WSCD2: variants seen among roughly 807,000 people sequenced by gnomAD.
WSCD2 encodes WSC domain sialate O sulfotransferase 2.
In WSCD2, 28 loss-of-function variants were observed where a neutral mutation model predicts 55.7. The observed-to-expected ratio is 0.50, with a 90% CI of 0.37 to 0.69. The LOEUF (loss-of-function observed/expected upper bound fraction) is 0.69. Ranked by LOEUF, WSCD2 falls within the 30% of genes least tolerant of loss-of-function variation. The probability of loss-of-function intolerance (pLI) is 0.00; values close to 1 mark genes in which losing one functional copy is unlikely to be tolerated. For synonymous variants in WSCD2, 301 were observed against 301.9 expected, an observed-to-expected ratio of 1.00 and a Z score of 0.03; for missense variants, 616 against 762.1, an observed-to-expected ratio of 0.81 and a Z score of 2.26.
chr12:108,176,477 CTGT>C (rs1317551490), intron 1 of WSCD2, among the ~76,000 whole-genome samples: 2 of 152,190 alleles, frequency 1.3e-5, no homozygotes, highest in African/African-American at 4.8e-5. Context: ...TTTATCAGTG[CTGT>C]TGTGTCATCA....
chr12:108,136,875 T>G (rs1876280873), intron 1 of WSCD2, among the ~76,000 whole-genome samples: 1 of 152,112 alleles, frequency 6.6e-6, no homozygotes, highest in Non-Finnish European at 1.5e-5. Context: ...GCCAGGTCCA[T>G]CCCCACAGGC....
At chr12:108,179,815 A>G (rs533038818) in intron 1 of WSCD2, among the ~76,000 whole-genome samples, 2 of 152,346 alleles carry the variant, frequency 1.3e-5, no homozygotes, top group East Asian at 1.9e-4. Flanking sequence ...TCTCATTTGT[A>G]TAATGGGGAG....
intron 1 of WSCD2, among the ~76,000 whole-genome samples, chr12:108,130,245 G>A (rs1875345549): frequency 6.6e-6 from 1 of 152,238 alleles, no homozygotes; most frequent in African/African-American, 2.4e-5. Context: ...GGGCCAGCGG[G>A]GAGGCAGTGG....
intron 4 of WSCD2, among the ~76,000 whole-genome samples, chr12:108,211,820 A>ATTTTTTTTT (rs59190207): frequency 1.5e-5 from 2 of 134,606 alleles, no homozygotes; most frequent in Non-Finnish European, 3.1e-5. Context: ...TGCCTGGCTA[A>ATTTTTTTTT]TTTTTTTTTT....
chr12:108,161,702 G>A (rs767228600), intron 1 of WSCD2, among the ~76,000 whole-genome samples: 4 of 152,168 alleles, frequency 2.6e-5, no homozygotes, highest in Non-Finnish European at 4.4e-5. Context: ...CACAGAGCCC[G>A]GCACAAAGCG....
In WSCD2 at chr12:108,226,880, C is replaced by T; in HGVS notation, c.805-110C>T. 7 of 1,327,808 alleles carry T rather than the reference C, an allele frequency of 5.3e-6. No homozygotes were observed. In the South Asian group the frequency reaches 8.9e-5, roughly 17 times the overall value. 82.3% of individuals were successfully genotyped at this position (1,327,808 alleles called of 1,614,324 possible). On this transcript the variant is annotated intron_variant, in intron 5 of 8. Coordinates refer to ENST00000547525, the MANE Select transcript of WSCD2 (RefSeq NM_014653.4). ...TTGGGGACCCTCAAGTTAAGGGAGA[C>T]TGACAGAGAAGACAGTGGTTGAAAT...
intron 8 of WSCD2, among the ~76,000 whole-genome samples, chr12:108,243,430 G>C (rs186589067): frequency 5.2e-4 from 79 of 152,186 alleles, no homozygotes; most frequent in Admixed American, 1.0e-3. Flanking sequence ...GTAGAGACAG[G>C]GTTTCACCGT....
rs898632841 is a variant in WSCD2, at chr12:108,249,333, C to T, written c.*990C>T. ...CCAAAATGGACCCCCACTACCTTCC[C>T]AGACCATATATCTCCCCTTGATCAT... is the stretch of plus-strand genomic sequence containing the variant. On this transcript the variant is annotated 3_prime_UTR_variant, in exon 9 of 9. Transcript: ENST00000547525. 6.6e-6 allele frequency: 1 copy of T among 152,616 alleles called. No homozygotes were observed. Among genetic ancestry groups the T allele is most frequent in the East Asian group, 1.9e-4 (1 of 5,182 alleles). The allele number at this position is 152,616 out of a possible 1,614,324, so 9.5% of individuals were successfully genotyped here. A position where few individuals can be genotyped will look rare whatever the true frequency, so the allele number is the denominator to read the frequency against.
chr12:108,141,052 TTTAC>T (rs1278822791), intron 1 of WSCD2, among the ~76,000 whole-genome samples: 2 of 152,180 alleles, frequency 1.3e-5, no homozygotes, highest in Non-Finnish European at 2.9e-5. Flanking sequence ...TCTTTCTTTC[TTTAC>T]TTGTTTCTTT....
At chr12:108,226,502 T>G (rs1306808413) in intron 5 of WSCD2, among the ~76,000 whole-genome samples, 1 of 152,168 alleles carries the variant, frequency 6.6e-6, no homozygotes, top group East Asian at 1.9e-4. Context: ...CTTTTTCAGT[T>G]GTCTTTCCAG....
chr12:108,233,214 G>A (rs1465686447), intron 7 of WSCD2: 1 of 225,134 alleles, frequency 4.4e-6, no homozygotes, highest in Admixed American at 5.0e-5. Context: ...CTGTGTGCTG[G>A]TACCTCATTA....
intron 1 of WSCD2, among the ~76,000 whole-genome samples, chr12:108,166,817 C>CT (rs550529805): frequency 0.063 from 6,502 of 103,676 alleles, 236 homozygotes; most frequent in Non-Finnish European, 0.097. Flanking sequence ...CTCTTTTTTT[C>CT]TTTTTTTTTT....
chr12:108,154,234 G>A (rs1407809930), intron 1 of WSCD2, among the ~76,000 whole-genome samples: 5 of 152,136 alleles, frequency 3.3e-5, no homozygotes, highest in Admixed American at 3.3e-4. Flanking sequence ...CAGTTCTGAA[G>A]GTCAGAAGTA....
rs138630196 is a variant in WSCD2, at chr12:108,217,696, A to T, written c.683-7043A>T. Among the ~76,000 whole-genome samples the T allele has an allele frequency of 3.7e-3, 569 of 152,238 alleles. 3 individuals are homozygous for T. Among genetic ancestry groups the T allele is most frequent in the African/African-American group, 0.012 (486 of 41,540 alleles). Reference sequence around the variant, plus strand: ...TTCAGGAATATCTTCCACCCAGGAGATTAACTGCTCCTGGAACTGACTTCC... The same window carrying T: ...TTCAGGAATATCTTCCACCCAGGAGTTTAACTGCTCCTGGAACTGACTTCC... On this transcript the variant is annotated intron_variant, in intron 4 of 8. Transcript: ENST00000547525.
intron 2 of WSCD2, among the ~76,000 whole-genome samples, chr12:108,206,084 C>G (rs975227169): frequency 6.6e-6 from 1 of 152,218 alleles, no homozygotes; most frequent in East Asian, 1.9e-4. Context: ...GAAGGCTTCA[C>G]TCCTCTCTAT....
At chr12:108,167,758 C>T (rs1879811114) in intron 1 of WSCD2, among the ~76,000 whole-genome samples, 1 of 152,198 alleles carries the variant, frequency 6.6e-6, no homozygotes, top group African/African-American at 2.4e-5. Flanking sequence ...CAGCCAAAGG[C>T]TTATTGTTTC....
intron 5 of WSCD2, among the ~76,000 whole-genome samples, chr12:108,225,534 G>C (rs2137164333): frequency 6.6e-6 from 1 of 152,338 alleles, no homozygotes; most frequent in African/African-American, 2.4e-5. Flanking sequence ...TAAAGGTAAA[G>C]ACAGTCCCAC....
intron 6 of WSCD2, among the ~76,000 whole-genome samples, chr12:108,227,808 GTGA>G (rs1175019503): frequency 7.2e-5 from 11 of 151,966 alleles, no homozygotes; most frequent in Admixed American, 1.3e-4. Context: ...TATGACGATG[GTGA>G]TGATGATAAT....
chr12:108,195,536 T>G lies in WSCD2; in HGVS notation c.-297T>G. 1 of 395,562 alleles carries G rather than the reference T, an allele frequency of 2.5e-6. No homozygotes were observed. The highest frequency in any genetic ancestry group is 4.5e-6 in the Non-Finnish European group (1 of 220,982). 24.5% of individuals were successfully genotyped at this position (395,562 alleles called of 1,614,324 possible). On this transcript the variant is annotated 5_prime_UTR_variant, in exon 2 of 9. Transcript: ENST00000547525. ...AGGAACACTCTGAAGTGAAGAACAA[T>G]ATGTAGGAAAATGGGACCAACTTAT...
Sources: gnomAD v4.1 joint callset for allele counts (sites outside exome capture counted in the v4.1 genomes callset) on GRCh38, gnomAD v4.1.1 for gene constraint, MANE v1.5 for transcripts, NCBI Gene and HGNC (gene_info 2026-07-23, HGNC 2026-07-21) for gene names.